The following ATAD1 variants were observed in gnomAD, a reference collection of about 807,000 sequenced individuals.
ATAD1 encodes ATPase family AAA domain containing 1, also known as outer mitochondrial transmembrane helix translocase.
In ATAD1, 18 loss-of-function variants were observed where a neutral mutation model predicts 42.7. That is an observed-to-expected ratio of 0.42 (90% confidence interval 0.29 to 0.63). The LOEUF is 0.63. ATAD1 is among the 20% of genes least tolerant of loss of function. ATAD1 has a pLI of 0.19. For missense variants in ATAD1, 294 were observed against 440.4 expected, an observed-to-expected ratio of 0.67 and a Z score of 2.98; for synonymous variants, 132 against 143.1, an observed-to-expected ratio of 0.92 and a Z score of 0.55.
At position 87,754,768 on chromosome 10, in the gene ATAD1, G is replaced by A; in HGVS notation, c.1005C>T (p.Asp335=). 1 of 1,613,472 alleles carries A rather than the reference G, an allele frequency of 6.2e-7. No individual in the cohort carries two copies. The highest frequency in any genetic ancestry group is 2.2e-5 in the East Asian group (1 of 44,822). The part of the protein sequence containing the change: ...EDEIRPVQQQ[D]LHRAIEKMKK... ...TCATCTTTTCAATTGCCCGATGCAG[G>A]TCCTGCTGTTGAACAGGCCGAATTT... The change falls in exon 10 of 10, where the codon GAC becomes GAT. Residue 335 remains aspartate, a synonymous_variant. Transcript: ENST00000680024.
At chr10:87,792,514 C>T (rs995324281) in intron 3 of ATAD1, 143 bp downstream of exon 3, 36 of 615,418 alleles carry the variant, frequency 5.8e-5, no homozygotes, top group African/African-American at 5.7e-4. Flanking sequence ...AAATCATATA[C>T]AGGAATACAA....
At position 87,814,582 on chromosome 10, in the gene ATAD1, G is replaced by C; in HGVS notation, c.18C>G (p.Ala6=). ...CATTCCGACTCAAAGGACGAGAAAA[G>C]GCTTCAGCATGTACCATCTTGAATG... MVHAE[A]FSRPLSRNEV... Residue 6 remains alanine (A), a synonymous_variant, in exon 2 of 10, where the codon GCC becomes GCG. Coordinates refer to ENST00000680024, the MANE Select transcript of ATAD1 (RefSeq NM_001321967.2). 6.2e-7 allele frequency: 1 copy of C among 1,609,378 alleles called. No individual in the cohort carries two copies. The highest frequency in any genetic ancestry group is 8.5e-7 in the Non-Finnish European group (1 of 1,177,988).
intron 8 of ATAD1, among the ~76,000 whole-genome samples, chr10:87,764,492 G>A (rs534322419): frequency 2.6e-5 from 4 of 152,006 alleles, no homozygotes; most frequent in African/African-American, 9.7e-5. Flanking sequence ...AAAAGGTGTT[G>A]GACAACTAGG....
At chr10:87,767,054 CA>C (rs1313734461) in intron 8 of ATAD1, among the ~76,000 whole-genome samples, 1 of 152,004 alleles carries the variant, frequency 6.6e-6, no homozygotes, top group Non-Finnish European at 1.5e-5. Flanking sequence ...AAAACAACGA[CA>C]AAAAACTTCT....
chr10:87,830,657 T>C (rs1589576651), intron 1 of ATAD1, among the ~76,000 whole-genome samples: 1 of 152,224 alleles, frequency 6.6e-6, no homozygotes, highest in South Asian at 2.1e-4. Context: ...CTTTTTTAAA[T>C]ACCACTCTCT....
chr10:87,831,669 AT>A (rs1401675892), intron 1 of ATAD1, among the ~76,000 whole-genome samples: 1 of 152,224 alleles, frequency 6.6e-6, no homozygotes, highest in African/African-American at 2.4e-5. Flanking sequence ...AACTTGTATC[AT>A]ATTTATCAAT....
At chr10:87,761,706 A>G (rs2131772631) in intron 8 of ATAD1, among the ~76,000 whole-genome samples, 1 of 152,236 alleles carries the variant, frequency 6.6e-6, no homozygotes, top group Non-Finnish European at 1.5e-5. Flanking sequence ...AAGAATTTCC[A>G]AAGACAGTAC....
At chr10:87,820,387 G>C (rs764990571), upstream of ATAD1, among the ~76,000 whole-genome samples, 1 of 152,172 alleles carries the variant, frequency 6.6e-6, no homozygotes, top group Non-Finnish European at 1.5e-5. Flanking sequence ...AGCCTCACCT[G>C]CCCTCTTCTA....
In ATAD1 at chr10:87,756,803, A is replaced by G; in HGVS notation, c.951T>C (p.Ser317=). Residue 317 remains serine (S), a synonymous_variant, in exon 9 of 10, where the codon TCT becomes TCC. Coordinates refer to ENST00000680024, the MANE Select transcript of ATAD1 (RefSeq NM_001321967.2). ...ALLCVREYVN[S]TSEESHDEDE... ...AAATAACATACCTTTCTTCTGATGTAGAATTAACATATTCTCTAACACAGA... is the reference window on the plus strand; with the variant it reads ...AAATAACATACCTTTCTTCTGATGTGGAATTAACATATTCTCTAACACAGA... 1 of 1,603,032 alleles carries G rather than the reference A, an allele frequency of 6.2e-7. No homozygotes were observed. The highest frequency in any genetic ancestry group is 8.5e-7 in the Non-Finnish European group (1 of 1,175,834).
intron 1 of ATAD1, among the ~76,000 whole-genome samples, chr10:87,829,910 G>T (rs1488787188): frequency 2.0e-5 from 3 of 152,224 alleles, no homozygotes; most frequent in East Asian, 1.9e-4. Context: ...TAAAGCAGTG[G>T]CAGTGTTTGA....
chr10:87,818,382 T>C, upstream of ATAD1: 3 of 441,010 alleles, frequency 6.8e-6, no homozygotes, highest in Non-Finnish European at 9.0e-6. Context: ...TTAAGCTACC[T>C]GCTAGACTGA....
At chr10:87,774,176 C>A (rs1855182593) in intron 6 of ATAD1, among the ~76,000 whole-genome samples, 1 of 152,118 alleles carries the variant, frequency 6.6e-6, no homozygotes, top group South Asian at 2.1e-4. Flanking sequence ...GATCCTTAAA[C>A]CCTCTGGCCA....
rs183672424 is a variant in ATAD1 at position 87,787,378 on chromosome 10, G to T, written c.383-2708C>A. The stretch of plus-strand genomic sequence containing the variant: ...TTCACACCTGTAATCTCAACACTTT[G>T]GGATGCTGAGGCAGGAGGATAACGA... On this transcript the variant is annotated intron_variant, in intron 4 of 9. Transcript: ENST00000680024. 1.2e-4 allele frequency among the ~76,000 whole-genome samples: 18 copies of T among 152,292 alleles called. No homozygotes were observed. The East Asian group carries it at 3.5e-3, about 29-fold the overall frequency.
intron 7 of ATAD1, among the ~76,000 whole-genome samples, chr10:87,768,031 G>A (rs960123548): frequency 6.6e-6 from 1 of 152,044 alleles, no homozygotes; most frequent in East Asian, 1.9e-4. Context: ...CTATAGTTCA[G>A]CAATCTTCAT....
chr10:87,801,439 C>T (rs1856688672), intron 2 of ATAD1, among the ~76,000 whole-genome samples: 1 of 152,012 alleles, frequency 6.6e-6, no homozygotes, highest in Admixed American at 6.6e-5. Flanking sequence ...GAAACATTGT[C>T]ATATAAGAAA....
At chr10:87,784,982 C>T (rs1489524590) in intron 4 of ATAD1, among the ~76,000 whole-genome samples, 2 of 152,168 alleles carry the variant, frequency 1.3e-5, no homozygotes, top group Non-Finnish European at 2.9e-5. Context: ...ACAAAATCAT[C>T]TAAGGCCCTC....
intron 7 of ATAD1, 144 bp downstream of exon 7, chr10:87,770,808 A>T (rs1211786973): frequency 1.2e-5 from 7 of 586,150 alleles, no homozygotes; most frequent in Non-Finnish European, 2.1e-5. Context: ...AAGGACAAAG[A>T]AGCTACTGTC....
At chr10:87,830,247 T>C (rs1278714824) in intron 1 of ATAD1, among the ~76,000 whole-genome samples, 3 of 152,226 alleles carry the variant, frequency 2.0e-5, no homozygotes, top group Admixed American at 2.0e-4. Flanking sequence ...TTAATATAAA[T>C]ACATCCTATC....
intron 1 of ATAD1, among the ~76,000 whole-genome samples, chr10:87,825,005 G>C (rs1857699358): frequency 6.6e-6 from 1 of 152,122 alleles, no homozygotes; most frequent in South Asian, 2.1e-4. Flanking sequence ...ATTAATATTG[G>C]CTGTTATTCC....
Sources: allele counts gnomAD v4.1 joint callset (sites outside exome capture counted in the v4.1 genomes callset), GRCh38; gene constraint gnomAD v4.1.1; transcripts MANE v1.5; gene names NCBI Gene and HGNC (gene_info 2026-07-23, HGNC 2026-07-21).